VCAN: variants seen among roughly 807,000 people sequenced by gnomAD.
The protein encoded by VCAN is versican core protein.
VCAN carries 44 observed loss-of-function variants against 245.5 expected under a neutral mutation model. The ratio of observed to expected loss-of-function variants is 0.18; its 90% confidence interval spans 0.14 to 0.23. VCAN has a LOEUF of 0.23. Among genes scored for constraint, VCAN ranks in the 10% least tolerant of loss-of-function variants. The probability of loss-of-function intolerance (pLI) is 1.00; values close to 1 mark genes in which losing one functional copy is unlikely to be tolerated. For synonymous variants in VCAN, 1,413 were observed against 1,437.0 expected (o/e 0.98, Z 0.38); for missense variants, 3,793 against 4,057.9 (o/e 0.93, Z 1.77).
At chr5:83,482,226 A>G (rs1744638341) in intron 1 of VCAN, among the ~76,000 whole-genome samples, 1 of 152,202 alleles carries the variant, frequency 6.6e-6, no homozygotes. Flanking sequence ...CAACAGTTCC[A>G]GCAGAAAGAT....
chr5:83,539,261 A>C lies in VCAN; in HGVS notation c.6258A>C (p.Thr2086=), dbSNP rs762323332. 4 of 1,614,086 alleles carry C rather than the reference A, an allele frequency of 2.5e-6. No individual in the cohort carries two copies. The change falls in exon 8 of 15, where the codon ACA becomes ACC. Residue 2086 remains threonine (T), a synonymous_variant. Coordinates refer to ENST00000265077, the MANE Select transcript of VCAN (RefSeq NM_004385.5). ...EEVKVSGTVS[T]NFPQTIEPAK... is the part of the protein sequence containing the mutation. ...TAAAGGTCAGTGGCACAGTTTCAAC[A>C]AACTTTCCCCAAACTATAGAGCCAG...
chr5:83,551,864 A>G (rs1747483430), intron 10 of VCAN, among the ~76,000 whole-genome samples: 1 of 147,026 alleles, frequency 6.8e-6, no homozygotes, highest in Non-Finnish European at 1.5e-5. Flanking sequence ...GAAATACTAC[A>G]TCCAAGTAGC....
intron 1 of VCAN, among the ~76,000 whole-genome samples, chr5:83,473,770 C>G (rs1561220538): frequency 6.6e-6 from 1 of 152,218 alleles, no homozygotes; most frequent in East Asian, 1.9e-4. Context: ...ACAAGCCCCC[C>G]AGACCAAGCG....
chr5:83,509,685 A>G (rs775240172), intron 5 of VCAN, among the ~76,000 whole-genome samples: 7 of 152,226 alleles, frequency 4.6e-5, no homozygotes, highest in Non-Finnish European at 7.3e-5. Context: ...AACAAGTCCA[A>G]GGGTTCTACC....
chr5:83,554,602 A>G (rs192708075), intron 11 of VCAN, among the ~76,000 whole-genome samples: 90 of 152,290 alleles, frequency 5.9e-4, no homozygotes, highest in Non-Finnish European at 1.1e-3. Context: ...TGCCAATGGC[A>G]TCGCTTAAAA....
At chr5:83,558,464 G>A (rs372368067) in intron 12 of VCAN, among the ~76,000 whole-genome samples, 10 of 151,894 alleles carry the variant, frequency 6.6e-5, no homozygotes, top group African/African-American at 9.7e-5. Context: ...GAGCTTCTCC[G>A]TCTTGGGTGG....
chr5:83,548,000 C>T lies in VCAN; in HGVS notation c.9409C>T (p.Arg3137Cys), dbSNP rs1747300292. ...DFDECHSNPC[R>C]NGATCVDGFN... Reference sequence around the variant, plus strand: ...TGATGAATGTCACTCTAATCCCTGTCGTAATGGAGCCACTTGTGTTGATGG... The same window carrying T: ...TGATGAATGTCACTCTAATCCCTGTTGTAATGGAGCCACTTGTGTTGATGG... Residue 3137 changes from arginine (R) to cysteine (C), a missense_variant, in exon 10 of 15, where the codon CGT (arginine) becomes TGT (cysteine). By Grantham distance (180) the Arg-to-Cys change is radical. This residue lies in a region of VCAN where 205 missense variants were observed against 321.1 expected (regional missense o/e 0.64). Transcript: ENST00000265077. The T allele has an allele frequency of 2.5e-6, 4 of 1,613,908 alleles. No homozygotes were observed. Among genetic ancestry groups the T allele is most frequent in the South Asian group, 1.1e-5 (1 of 91,068 alleles).
chr5:83,569,144 T>G (rs142022565), intron 12 of VCAN, among the ~76,000 whole-genome samples: 1 of 152,258 alleles, frequency 6.6e-6, no homozygotes, highest in African/African-American at 2.4e-5. Context: ...AAACGTAGTA[T>G]TTCATATAAA....
intron 10 of VCAN, among the ~76,000 whole-genome samples, chr5:83,548,837 A>G (rs535346216): frequency 6.6e-6 from 1 of 152,300 alleles, no homozygotes; most frequent in Non-Finnish European, 1.5e-5. Context: ...TCCACCAGAC[A>G]AACTGAAAAT....
rs904714647 is a variant in VCAN at position 83,533,270 on chromosome 5, G to A, written c.4004-3737G>A. On this transcript the variant is annotated intron_variant, in intron 7 of 14. Coordinates refer to ENST00000265077, the MANE Select transcript of VCAN (RefSeq NM_004385.5). ...GCAAGTCAGATCAAATAGTTGCGAGGTGGGTGGAGAAAGGAATCCTAATCT... is the reference window on the plus strand; with the variant it reads ...GCAAGTCAGATCAAATAGTTGCGAGATGGGTGGAGAAAGGAATCCTAATCT... Among the ~76,000 whole-genome samples, 7 of 152,238 alleles carry A rather than the reference G, an allele frequency of 4.6e-5. No homozygotes were observed. In the South Asian group the frequency reaches 1.5e-3, roughly 32 times the overall value.
rs180909231 is a variant in VCAN, at chr5:83,498,999, C to T, written c.748+5068C>T. Among the ~76,000 whole-genome samples the T allele has an allele frequency of 3.9e-5, 6 of 152,214 alleles. No individual in the cohort carries two copies. The East Asian group carries it at 1.2e-3, about 30-fold the overall frequency. On this transcript the variant is annotated intron_variant, in intron 5 of 14. Coordinates refer to ENST00000265077, the MANE Select transcript of VCAN (RefSeq NM_004385.5). Reference sequence around the variant, plus strand: ...CATTCCCACACTCTTCAATGTGACCCCACACACGTGCATCTCGCCCTGCAC... The same window carrying T: ...CATTCCCACACTCTTCAATGTGACCTCACACACGTGCATCTCGCCCTGCAC...
Position 83,538,521 on chromosome 5 carries a change from G to C in VCAN, c.5518G>C (p.Ala1840Pro). The change falls in exon 8 of 15, where the codon GCT (alanine) becomes CCT (proline). Residue 1840 changes from alanine (A) to proline (P), a missense_variant. Ala to Pro is a conservative substitution (Grantham distance 27). Transcript: ENST00000265077. Reference sequence around the variant, plus strand: ...CTTTATGGAGCAGGGCTCTGGAGAAGCTGCTGCCGACCCAGAAACCACCAC... The same window carrying C: ...CTTTATGGAGCAGGGCTCTGGAGAACCTGCTGCCGACCCAGAAACCACCAC... ...SVFMEQGSGEAAADPETTTVS... is the reference protein window; with the variant it reads ...SVFMEQGSGEPAADPETTTVS... 6.2e-7 allele frequency: 1 copy of C among 1,614,080 alleles called. No homozygotes were observed. Among genetic ancestry groups the C allele is most frequent in the Non-Finnish European group, 8.5e-7 (1 of 1,179,972 alleles).
At chr5:83,516,082 A>C (rs544563813) in intron 6 of VCAN, among the ~76,000 whole-genome samples, 1 of 152,166 alleles carries the variant, frequency 6.6e-6, no homozygotes, top group Non-Finnish European at 1.5e-5. Context: ...AATACAAAAA[A>C]TTAGCCGGGC....
intron 12 of VCAN, among the ~76,000 whole-genome samples, chr5:83,555,409 G>A (rs977538500): frequency 4.6e-5 from 7 of 152,096 alleles, no homozygotes; most frequent in Non-Finnish European, 1.0e-4. Context: ...ATACCTTTCC[G>A]TCTTAAATAA....
At chr5:83,534,207 G>A (rs887774622) in intron 7 of VCAN, 6 of 151,880 alleles carry the variant, frequency 4.0e-5, no homozygotes, top group Non-Finnish European at 8.8e-5. Flanking sequence ...CATGAGATAT[G>A]TTTGTATCAG....
rs766689424 is a variant in VCAN, at chr5:83,572,422, G to A, written c.9742G>A (p.Glu3248Lys). ...TCTCCCTCCATTTTTACAGCAATAC[G>A]AGAATTGGAGACCCAACCAGCCAGA... is the stretch of plus-strand genomic sequence containing the variant. ...RWTDGSTLQY[E>K]NWRPNQPDSF... The change falls in exon 13 of 15, where the codon GAG becomes AAG. Residue 3248 changes from glutamate (E) to lysine (K), a missense_variant. Physicochemically the swap from Glu to Lys is moderately conservative, Grantham distance 56. Coordinates refer to ENST00000265077, the MANE Select transcript of VCAN (RefSeq NM_004385.5). 1.1e-5 allele frequency: 17 copies of A among 1,613,766 alleles called. No homozygotes were observed. The highest frequency in any genetic ancestry group is 2.2e-5 in the East Asian group (1 of 44,844).
intron 1 of VCAN, among the ~76,000 whole-genome samples, chr5:83,481,663 G>A (rs909376608): frequency 1.3e-5 from 2 of 152,020 alleles, no homozygotes; most frequent in Non-Finnish European, 2.9e-5. Context: ...TTTTCATTGT[G>A]AATTATCAGT....
At chr5:83,550,979 A>G (rs1184481608) in intron 10 of VCAN, among the ~76,000 whole-genome samples, 1 of 145,502 alleles carries the variant, frequency 6.9e-6, no homozygotes, top group Admixed American at 6.9e-5. Flanking sequence ...TGGTTTTTGC[A>G]GATATATTTA....
At position 83,512,406 on chromosome 5, in the gene VCAN, T is replaced by G. The variant is rs1269745375; in HGVS notation, c.1042+10T>G. Reference sequence around the variant, plus strand: ...GCCTACTGCTTTAAACGTAAGTGTTTGATACCTTTTTAAAAATTACAGTTT... The same window carrying G: ...GCCTACTGCTTTAAACGTAAGTGTTGGATACCTTTTTAAAAATTACAGTTT... On this transcript the variant is annotated intron_variant, in intron 6 of 14. Coordinates refer to ENST00000265077, the MANE Select transcript of VCAN (RefSeq NM_004385.5). The G allele has an allele frequency of 6.2e-7, 1 of 1,611,660 alleles. No homozygotes were observed. Among genetic ancestry groups the G allele is most frequent in the Admixed American group, 1.7e-5 (1 of 59,854 alleles).
Sources: gnomAD v4.1 joint callset for allele counts (sites outside exome capture counted in the v4.1 genomes callset) on GRCh38, gnomAD v4.1.1 for gene constraint, gnomAD v4.1.1 regional missense constraint, MANE v1.5 for transcripts, NCBI Gene and HGNC (gene_info 2026-07-23, HGNC 2026-07-21) for gene names.